The following UNC5C variants were observed in gnomAD, a reference collection of about 807,000 sequenced individuals.
The protein encoded by UNC5C is unc-5 netrin receptor C.
In UNC5C, 47 loss-of-function variants were observed where a neutral mutation model predicts 99.8. The ratio of observed to expected loss-of-function variants is 0.47; its 90% CI spans 0.37 to 0.60. UNC5C has a LOEUF of 0.60. Among genes scored for constraint, UNC5C ranks in the 20% least tolerant of loss-of-function variants. UNC5C has a pLI of 0.00. For synonymous variants in UNC5C, 487 were observed against 452.2 expected (o/e 1.08, Z -0.98); for missense variants, 1,062 against 1,165.9 (o/e 0.91, Z 1.30).
chr4:95,486,948 A>T (rs1037746981), intron 1 of UNC5C, among the ~76,000 whole-genome samples: 1 of 151,706 alleles, frequency 6.6e-6, no homozygotes, highest in African/African-American at 2.4e-5. Context: ...TCATGAATGG[A>T]TCAAGGCCAA....
chr4:95,328,371 C>A (rs1011632559), intron 2 of UNC5C, among the ~76,000 whole-genome samples: 1 of 108,438 alleles, frequency 9.2e-6, no homozygotes, highest in Non-Finnish European at 2.0e-5. Context: ...CAATTTCATC[C>A]ATGTCCCTAC....
At chr4:95,174,538 T>C (rs1201608145) in intron 14 of UNC5C, among the ~76,000 whole-genome samples, 1 of 152,194 alleles carries the variant, frequency 6.6e-6, no homozygotes, top group Admixed American at 6.5e-5. Flanking sequence ...TCAGTTTCTA[T>C]GTAGTTGAGC....
intron 1 of UNC5C, among the ~76,000 whole-genome samples, chr4:95,405,537 G>C (rs535234818): frequency 6.6e-6 from 1 of 152,236 alleles, no homozygotes; most frequent in African/African-American, 2.4e-5. Context: ...CTTGCTAGTT[G>C]CTGCGAACCC....
chr4:95,253,225 A>G (rs546644758), intron 4 of UNC5C, among the ~76,000 whole-genome samples: 1 of 152,174 alleles, frequency 6.6e-6, no homozygotes, highest in African/African-American at 2.4e-5. Flanking sequence ...ACCCATAGCT[A>G]TTCAAAACTA....
At chr4:95,198,442 A>G (rs1047437013) in intron 12 of UNC5C, among the ~76,000 whole-genome samples, 4 of 152,326 alleles carry the variant, frequency 2.6e-5, no homozygotes, top group Non-Finnish European at 1.5e-5. Context: ...TCCAGAGCAC[A>G]TCTATGCCAG....
At chr4:95,432,562 A>G (rs922239594) in intron 1 of UNC5C, among the ~76,000 whole-genome samples, 1 of 152,008 alleles carries the variant, frequency 6.6e-6, no homozygotes, top group Non-Finnish European at 1.5e-5. Flanking sequence ...GCCTGTTATA[A>G]TCCCTCACCC....
In UNC5C at chr4:95,169,048, G is replaced by T; in HGVS notation, c.*186C>A. ...TTACACAATTTTTCTTAACTCCCGT[G>T]ATGATGTCCGAGTAAAGTGGGCATG... On this transcript the variant is annotated 3_prime_UTR_variant, in exon 16 of 16. Coordinates refer to ENST00000453304, the MANE Select transcript of UNC5C (RefSeq NM_003728.4). 3 of 654,682 alleles carry T rather than the reference G, an allele frequency of 4.6e-6. No homozygotes were observed. Among genetic ancestry groups the T allele is most frequent in the Non-Finnish European group, 2.5e-6 (1 of 393,578 alleles). The allele number at this position is 654,682 out of a possible 1,614,324, so 40.6% of individuals were successfully genotyped here. A position where few individuals can be genotyped will look rare whatever the true frequency, so the allele number is the denominator to read the frequency against.
intron 1 of UNC5C, among the ~76,000 whole-genome samples, chr4:95,463,315 C>T (rs1014988643): frequency 2.6e-5 from 4 of 152,078 alleles, no homozygotes; most frequent in African/African-American, 7.2e-5. Flanking sequence ...AGAGGAAGGG[C>T]GTTCAGGAAG....
intron 7 of UNC5C, among the ~76,000 whole-genome samples, chr4:95,225,406 C>A (rs919603688): frequency 5.9e-5 from 9 of 151,776 alleles, no homozygotes; most frequent in African/African-American, 2.2e-4. Flanking sequence ...ATCCTGTGAT[C>A]GAATGTCATT....
chr4:95,440,186 A>G (rs906543935), intron 1 of UNC5C, among the ~76,000 whole-genome samples: 4 of 152,160 alleles, frequency 2.6e-5, no homozygotes, highest in Non-Finnish European at 5.9e-5. Flanking sequence ...ACGGATAGGA[A>G]AGCCAGAAGT....
chr4:95,414,629 T>A (rs1746106422), intron 1 of UNC5C, among the ~76,000 whole-genome samples: 1 of 152,248 alleles, frequency 6.6e-6, no homozygotes, highest in South Asian at 2.1e-4. Flanking sequence ...CTTCGTGATG[T>A]CAGCTTTCTC....
intron 14 of UNC5C, among the ~76,000 whole-genome samples, chr4:95,178,159 C>G (rs1223248220): frequency 6.6e-6 from 1 of 152,232 alleles, no homozygotes; most frequent in African/African-American, 2.4e-5. Context: ...CCCGTCCTTA[C>G]CGTGACTTGA....
chr4:95,496,893 T>C (rs924370583), intron 1 of UNC5C, among the ~76,000 whole-genome samples: 1 of 151,850 alleles, frequency 6.6e-6, no homozygotes. Context: ...TGCATCCTCA[T>C]AGCTTAGCTC....
intron 1 of UNC5C, among the ~76,000 whole-genome samples, chr4:95,479,917 T>G (rs186368599): frequency 7.1e-4 from 105 of 148,880 alleles, no homozygotes; most frequent in South Asian, 1.3e-3. Flanking sequence ...TCTAATCTGT[T>G]GAAGGACTGA....
rs748815532 is a variant in UNC5C, at chr4:95,201,609, C to CT, written c.2136+1121dup. On this transcript the variant is annotated intron_variant, in intron 12 of 15. Coordinates refer to ENST00000453304, the MANE Select transcript of UNC5C (RefSeq NM_003728.4). ...AAATAATATGCCTGCAGAGAGTCTT[C>CT]TTTTTTTTTTTTCAGACAGAGTTTC... is the stretch of plus-strand genomic sequence containing the variant. Among the ~76,000 whole-genome samples the CT allele has an allele frequency of 9.9e-3, 1,439 of 144,784 alleles. 20 individuals are homozygous for CT. The highest frequency in any genetic ancestry group is 0.031 in the African/African-American group (1,233 of 39,774). The allele number at this position is 144,784 out of a possible 152,430, so 95.0% of individuals were successfully genotyped here.
chr4:95,410,799 C>A (rs565865493), intron 1 of UNC5C, among the ~76,000 whole-genome samples: 1 of 152,134 alleles, frequency 6.6e-6, no homozygotes, highest in Non-Finnish European at 1.5e-5. Context: ...CCCAATCAAG[C>A]CCCCACCCTG....
chr4:95,176,814 G>C (rs1328644035), intron 14 of UNC5C, among the ~76,000 whole-genome samples: 1 of 152,234 alleles, frequency 6.6e-6, no homozygotes, highest in Non-Finnish European at 1.5e-5. Context: ...AGCAAGTCTG[G>C]GCAATGGCGG....
At chr4:95,251,663 G>C (rs576412443) in intron 4 of UNC5C, among the ~76,000 whole-genome samples, 1 of 152,096 alleles carries the variant, frequency 6.6e-6, no homozygotes, top group Non-Finnish European at 1.5e-5. Flanking sequence ...TTTGCATTAG[G>C]GTGAATGTGG....
In UNC5C at chr4:95,335,668, A is replaced by G. The variant is rs540270500; in HGVS notation, c.125-37T>C. On this transcript the variant is annotated intron_variant, in intron 1 of 15. Coordinates refer to ENST00000453304, the MANE Select transcript of UNC5C (RefSeq NM_003728.4). The stretch of plus-strand genomic sequence containing the variant: ...GAAGAAAGTGGAAGATGGTTAACAC[A>G]TTGTAACAACTTGCCTTCTACTTGC... 5 of 1,527,318 alleles carry G rather than the reference A, an allele frequency of 3.3e-6. No individual in the cohort carries two copies. In the African/African-American group the frequency reaches 5.6e-5, roughly 17 times the overall value. 94.6% of individuals were successfully genotyped at this position (1,527,318 alleles called of 1,614,324 possible).
Sources: gnomAD v4.1 joint callset for allele counts (sites outside exome capture counted in the v4.1 genomes callset) on GRCh38, gnomAD v4.1.1 for gene constraint, MANE v1.5 for transcripts, NCBI Gene and HGNC (gene_info 2026-07-23, HGNC 2026-07-21) for gene names.